The following COLGALT1 variants were observed in gnomAD, a reference collection of about 807,000 sequenced individuals.
The protein encoded by COLGALT1 is procollagen galactosyltransferase 1.
In COLGALT1, 43 loss-of-function variants were observed where a neutral mutation model predicts 60.8. The ratio of observed to expected loss-of-function variants is 0.71; its 90% CI spans 0.55 to 0.91. The LOEUF (loss-of-function observed/expected upper bound fraction) is 0.91. Among genes scored for constraint, COLGALT1 ranks in the 40% least tolerant of loss-of-function variants. The pLI is 0.00. For missense variants in COLGALT1, 845 were observed against 880.0 expected (o/e 0.96, Z 0.50); for synonymous variants, 369 against 374.2 (o/e 0.99, Z 0.16).
Position 17,583,117 on chromosome 19 carries a change from A to C in COLGALT1, c.*1673A>C, listed in dbSNP as rs1372880257. 1 of 152,194 alleles carries C rather than the reference A, an allele frequency of 6.6e-6. No homozygotes were observed. The highest frequency in any genetic ancestry group is 1.9e-4 in the East Asian group (1 of 5,196). 9.4% of individuals were successfully genotyped at this position (152,194 alleles called of 1,614,324 possible). On this transcript the variant is annotated 3_prime_UTR_variant, in exon 12 of 12. Coordinates refer to ENST00000252599, the MANE Select transcript of COLGALT1 (RefSeq NM_024656.4). The stretch of plus-strand genomic sequence containing the variant: ...GCGGTGCTTCACCCTCTTGGGGATA[A>C]CTTGCTTAGTTTTTTAATAAATGTT...
At position 17,555,956 on chromosome 19, in the gene COLGALT1, G is replaced by A; in HGVS notation, c.243G>A (p.Arg81=). ...CACTCGAGCGGCTGCGGCACCCGCGGGAGCGCACGGCGCTATGGTGAGTCG... is the reference window on the plus strand; with the variant it reads ...CACTCGAGCGGCTGCGGCACCCGCGAGAGCGCACGGCGCTATGGTGAGTCG... ...LGALERLRHP[R]ERTALWVATD... Residue 81 remains arginine, a synonymous_variant, in exon 1 of 12, where the codon CGG becomes CGA. Coordinates refer to ENST00000252599, the MANE Select transcript of COLGALT1 (RefSeq NM_024656.4). 1 of 1,380,038 alleles carries A rather than the reference G, an allele frequency of 7.2e-7. No homozygotes were observed. The allele number at this position is 1,380,038 out of a possible 1,614,324, so 85.5% of individuals were successfully genotyped here.
chr19:17,577,005 T>TGAAGCTGGGGCCTGGGGTGTGGCCC, intron 6 of COLGALT1, 190 bp from the exon 7 acceptor site: 2 of 323,128 alleles, frequency 6.2e-6, no homozygotes, highest in Non-Finnish European at 1.1e-5. Flanking sequence ...GCCAGGGCTT[T>TGAAGCTGGGGCCTGGGGTGTGGCCC]GGGCTGCTGT....
At chr19:17,577,008 G>GGC in intron 6 of COLGALT1, 187 bp from the exon 7 acceptor site, 2 of 607,110 alleles carry the variant, frequency 3.3e-6, no homozygotes, top group Non-Finnish European at 5.8e-6. Flanking sequence ...AGGGCTTTGG[G>GGC]CTGCTGTGCA....
At chr19:17,562,343 G>T (rs1484134982) in intron 3 of COLGALT1, among the ~76,000 whole-genome samples, 2 of 152,128 alleles carry the variant, frequency 1.3e-5, no homozygotes, top group Non-Finnish European at 2.9e-5. Flanking sequence ...AGCAGGGGAG[G>T]TCTGTGTTCT....
In COLGALT1 at chr19:17,568,592, G is replaced by T. The variant is rs780998415; in HGVS notation, c.708G>T (p.Ser236=). Residue 236 remains serine (S), a synonymous_variant, in exon 5 of 12, where the codon TCG becomes TCT. Coordinates refer to ENST00000252599, the MANE Select transcript of COLGALT1 (RefSeq NM_024656.4). ...GCTTTGCAGTTCCCATGGTGCACTCGACCTTCCTGATCGACCTGCGGAAGG... is the reference window on the plus strand; with the variant it reads ...GCTTTGCAGTTCCCATGGTGCACTCTACCTTCCTGATCGACCTGCGGAAGG... The part of the protein sequence containing the change: ...RGCFAVPMVH[S]TFLIDLRKAA... 1.2e-6 allele frequency: 2 copies of T among 1,614,188 alleles called. No homozygotes were observed. The highest frequency in any genetic ancestry group is 1.3e-5 in the African/African-American group (1 of 75,058).
At chr19:17,573,746 G>C (rs1192596750) in intron 6 of COLGALT1, among the ~76,000 whole-genome samples, 1 of 151,868 alleles carries the variant, frequency 6.6e-6, no homozygotes, top group Non-Finnish European at 1.5e-5. Flanking sequence ...GGAGGCCAAG[G>C]TGGGCGGATC....
intron 9 of COLGALT1, among the ~76,000 whole-genome samples, chr19:17,578,864 A>T (rs1651310243): frequency 6.6e-6 from 1 of 152,146 alleles, no homozygotes; most frequent in South Asian, 2.1e-4. Flanking sequence ...TACAAAAATT[A>T]TCTGGGTGTG....
intron 3 of COLGALT1, among the ~76,000 whole-genome samples, chr19:17,565,515 A>C (rs1283088204): frequency 6.6e-6 from 1 of 151,604 alleles, no homozygotes; most frequent in Non-Finnish European, 1.5e-5. Flanking sequence ...GACCTGTTTG[A>C]ATTATCTGGG....
Position 17,568,497 on chromosome 19 carries a change from C to T in COLGALT1, c.625-12C>T. ...AAGACCCCTACGCGGAACTCTCGCTCTCTCCCCACAGGGCTACTACAAGCG... is the reference window on the plus strand; with the variant it reads ...AAGACCCCTACGCGGAACTCTCGCTTTCTCCCCACAGGGCTACTACAAGCG... On this transcript the variant is annotated splice_polypyrimidine_tract_variant and intron_variant, in intron 4 of 11. Transcript: ENST00000252599. 6.2e-7 allele frequency: 1 copy of T among 1,612,182 alleles called. No homozygotes were observed. Among genetic ancestry groups the T allele is most frequent in the Non-Finnish European group, 8.5e-7 (1 of 1,178,348 alleles).
At chr19:17,557,822 G>C (rs987201615) in intron 1 of COLGALT1, among the ~76,000 whole-genome samples, 5 of 151,542 alleles carry the variant, frequency 3.3e-5, no homozygotes, top group African/African-American at 7.3e-5. Flanking sequence ...GGCTGGTCTC[G>C]AACTCCCGAG....
At chr19:17,556,013 AG>A in intron 1 of COLGALT1, 40 bp downstream of exon 1, 2 of 1,285,738 alleles carry the variant, frequency 1.6e-6, no homozygotes, top group Non-Finnish European at 2.0e-6. Context: ...GGGTCACGCG[AG>A]CCCCTGCTTG....
intron 5 of COLGALT1, among the ~76,000 whole-genome samples, chr19:17,571,261 AC>A (rs1431561163): frequency 6.6e-6 from 1 of 152,024 alleles, no homozygotes; most frequent in Non-Finnish European, 1.5e-5. Flanking sequence ...TGCTAAAAAT[AC>A]AAAAATTGGC....
Position 17,572,669 on chromosome 19 carries a change from C to T in COLGALT1, c.949+67C>T, listed in dbSNP as rs866118408. 107 of 1,601,166 alleles carry T rather than the reference C, an allele frequency of 6.7e-5. 1 individual carries two copies. The South Asian group carries it at 8.7e-4, about 13-fold the overall frequency. On this transcript the variant is annotated intron_variant, in intron 6 of 11. Transcript: ENST00000252599. ...CTCCCTTTCACTGATGTCTCAAATCCGTCCCATGAGCACTGACTGAGTGCC... is the reference window on the plus strand; with the variant it reads ...CTCCCTTTCACTGATGTCTCAAATCTGTCCCATGAGCACTGACTGAGTGCC...
chr19:17,568,527 C>G lies in COLGALT1; in HGVS notation c.643C>G (p.Pro215Ala), dbSNP rs370240931. The G allele has an allele frequency of 6.2e-7, 1 of 1,614,190 alleles. No homozygotes were observed. The highest frequency in any genetic ancestry group is 1.1e-5 in the South Asian group (1 of 91,088). ...MTSQGYYKRT[P>A]AYIPIRKRDR... Reference sequence around the variant, plus strand: ...CCCACAGGGCTACTACAAGCGCACACCTGCCTACATCCCTATCCGCAAGCG... The same window carrying G: ...CCCACAGGGCTACTACAAGCGCACAGCTGCCTACATCCCTATCCGCAAGCG... Residue 215 changes from proline to alanine, a missense_variant, in exon 5 of 12, where the codon CCT (proline) becomes GCT (alanine). Physicochemically the swap from Pro to Ala is conservative, Grantham distance 27 (BLOSUM62 -1). Coordinates refer to ENST00000252599, the MANE Select transcript of COLGALT1 (RefSeq NM_024656.4).
chr19:17,580,401 C>T, intron 10 of COLGALT1: 1 of 485,700 alleles, frequency 2.1e-6, no homozygotes, highest in Non-Finnish European at 3.8e-6. Context: ...CACCTCCACC[C>T]CCACTGTCCT....
Position 17,559,333 on chromosome 19 carries a change from G to T in COLGALT1, c.283G>T (p.Asp95Tyr). ...CAGGGTGGCTACGGACCACAACATG[G>T]ATAACACGTCAACTGTGCTGCGGGA... ...ALWVATDHNM[D>Y]NTSTVLREWL... is the part of the protein sequence containing the mutation. The change falls in exon 2 of 12, where the codon GAT (aspartate) becomes TAT (tyrosine). Residue 95 changes from aspartate to tyrosine, a missense_variant. Transcript: ENST00000252599. The T allele has an allele frequency of 6.4e-7, 1 of 1,552,326 alleles. No individual in the cohort carries two copies. Among genetic ancestry groups the T allele is most frequent in the Non-Finnish European group, 8.7e-7 (1 of 1,147,280 alleles).
chr19:17,556,119 C>A, intron 1 of COLGALT1, 146 bp downstream of exon 1: 1 of 941,894 alleles, frequency 1.1e-6, no homozygotes, highest in Non-Finnish European at 1.4e-6. Flanking sequence ...CCCATCGGGA[C>A]GGTTCTACGC....
At chr19:17,577,082 C>T (rs2076347552) in intron 6 of COLGALT1, 113 bp from the exon 7 acceptor site, 3 of 1,067,206 alleles carry the variant, frequency 2.8e-6, no homozygotes, top group Admixed American at 2.1e-5. Context: ...GCCAGGTCGA[C>T]TTTGTGGGCC....
At chr19:17,576,619 C>T (rs1012159146) in intron 6 of COLGALT1, among the ~76,000 whole-genome samples, 11 of 137,018 alleles carry the variant, frequency 8.0e-5, no homozygotes, top group African/African-American at 3.1e-4. Context: ...GTGACCAGGA[C>T]TTAGAAGCGG....
Sources: gnomAD v4.1 joint callset for allele counts (sites outside exome capture counted in the v4.1 genomes callset) on GRCh38, gnomAD v4.1.1 for gene constraint, MANE v1.5 for transcripts, NCBI Gene and HGNC (gene_info 2026-07-23, HGNC 2026-07-21) for gene names.